SLC8A1: variants seen among roughly 807,000 people sequenced by gnomAD.
SLC8A1 encodes the protein solute carrier family 8 member A1.
SLC8A1 carries 18 observed loss-of-function variants against 68.3 expected under a neutral mutation model. That is an observed-to-expected ratio of 0.26 (90% CI 0.18 to 0.39). The LOEUF (loss-of-function observed/expected upper bound fraction) is 0.39, where lower values mean the gene tolerates loss of function less well. Ranked by LOEUF, SLC8A1 falls within the 10% of genes least tolerant of loss-of-function variation. The pLI is 1.00. For missense variants in SLC8A1, 985 were observed against 1,156.7 expected (o/e 0.85, Z 2.15); for synonymous variants, 475 against 415.5 (o/e 1.14, Z -1.74).
intron 6 of SLC8A1, among the ~76,000 whole-genome samples, chr2:40,150,950 G>A (rs1454542867): frequency 6.6e-6 from 1 of 152,052 alleles, no homozygotes; most frequent in Non-Finnish European, 1.5e-5. Context: ...TCACCTACTA[G>A]TATGTCCCTA....
chr2:40,480,812 G>A (rs1027269796), intron 1 of SLC8A1, among the ~76,000 whole-genome samples: 11 of 152,252 alleles, frequency 7.2e-5, no homozygotes, highest in African/African-American at 2.6e-4. Flanking sequence ...TGAAGACCAC[G>A]ACGTTATACA....
At chr2:40,442,979 T>C (rs1353627027) in intron 1 of SLC8A1, among the ~76,000 whole-genome samples, 1 of 151,982 alleles carries the variant, frequency 6.6e-6, no homozygotes, top group Non-Finnish European at 1.5e-5. Flanking sequence ...CTGGAAGCCA[T>C]CATCCTCAGC....
At chr2:40,190,234 C>T (rs13384452) in intron 2 of SLC8A1, among the ~76,000 whole-genome samples, 18,001 of 152,192 alleles carry the variant, frequency 0.12, 1,163 homozygotes, top group African/African-American at 0.13. Flanking sequence ...CAACTTCAGC[C>T]CTCATCTTCC....
upstream of SLC8A1, among the ~76,000 whole-genome samples, chr2:40,452,645 G>T (rs1702699393): frequency 6.6e-6 from 1 of 151,788 alleles, no homozygotes; most frequent in South Asian, 2.1e-4. Flanking sequence ...TTTAGCAAAA[G>T]GATCTGGGCA....
exon 8 of SLC8A1, chr2:40,104,424 G>C (rs2034075089): frequency 6.6e-6 from 1 of 152,172 alleles, no homozygotes; most frequent in Non-Finnish European, 1.5e-5. Flanking sequence ...GTAATCTCTG[G>C]ATGTGTGTGT....
At chr2:40,287,257 TA>T (rs1252810061) in intron 2 of SLC8A1, among the ~76,000 whole-genome samples, 4 of 152,276 alleles carry the variant, frequency 2.6e-5, no homozygotes, top group African/African-American at 9.6e-5. Context: ...ATATAATAAT[TA>T]GAGAACAATA....
intron 2 of SLC8A1, among the ~76,000 whole-genome samples, chr2:40,215,119 T>C (rs2057248384): frequency 6.6e-6 from 1 of 152,184 alleles, no homozygotes; most frequent in South Asian, 2.1e-4. Context: ...CTAAAGTATT[T>C]ATGAGTTGTA....
chr2:40,329,994 AG>A (rs2076250150), intron 2 of SLC8A1, among the ~76,000 whole-genome samples: 1 of 152,260 alleles, frequency 6.6e-6, no homozygotes, highest in South Asian at 2.1e-4. Context: ...TTTAAAGAGC[AG>A]GAGCTGAAAC....
chr2:40,402,466 T>G (rs1250580698), intron 2 of SLC8A1, among the ~76,000 whole-genome samples: 1 of 152,220 alleles, frequency 6.6e-6, no homozygotes, highest in Non-Finnish European at 1.5e-5. Flanking sequence ...TCCTTTACTT[T>G]CTTAATAAAC....
intron 2 of SLC8A1, among the ~76,000 whole-genome samples, chr2:40,252,979 G>A (rs1489638648): frequency 7.2e-6 from 1 of 138,154 alleles, no homozygotes; most frequent in East Asian, 2.1e-4. Flanking sequence ...GTACATATAT[G>A]TATCTGTATA....
At chr2:40,163,137 G>C (rs892298036) in intron 5 of SLC8A1, among the ~76,000 whole-genome samples, 1 of 152,120 alleles carries the variant, frequency 6.6e-6, no homozygotes, top group East Asian at 1.9e-4. Flanking sequence ...CCAAACAACT[G>C]GTTTCATGTA....
chr2:40,348,535 A>G (rs1670049549), intron 2 of SLC8A1, among the ~76,000 whole-genome samples: 1 of 152,220 alleles, frequency 6.6e-6, no homozygotes, highest in Non-Finnish European at 1.5e-5. Flanking sequence ...CAAGAAACAT[A>G]TGACACAAAT....
Position 40,304,516 on chromosome 2 carries a change from G to C in SLC8A1, c.1808+123957C>G, listed in dbSNP as rs752028841. ...AATGAACAGCCTGTAGCCAGTCTGGGCTGCTGCCTCTCACCCCCGCAGTCT... is the reference window on the plus strand; with the variant it reads ...AATGAACAGCCTGTAGCCAGTCTGGCCTGCTGCCTCTCACCCCCGCAGTCT... On this transcript the variant is annotated intron_variant, in intron 2 of 7. Transcript: ENST00000406785. Among the ~76,000 whole-genome samples, 21 of 152,214 alleles carry C rather than the reference G, an allele frequency of 1.4e-4. No homozygotes were observed. The Middle Eastern group carries it at 0.01, about 74-fold the overall frequency.
intron 1 of SLC8A1, among the ~76,000 whole-genome samples, chr2:40,478,668 G>T (rs1704441870): frequency 6.6e-6 from 1 of 151,718 alleles, no homozygotes; most frequent in Admixed American, 6.6e-5. Flanking sequence ...ATCTCTCATA[G>T]ACCTAAGTTT....
chr2:40,232,503 G>C (rs554737921), intron 2 of SLC8A1, among the ~76,000 whole-genome samples: 1 of 151,728 alleles, frequency 6.6e-6, no homozygotes, highest in South Asian at 2.1e-4. Flanking sequence ...ATTAGGGGAG[G>C]ATAGGGAAGG....
intron 2 of SLC8A1, among the ~76,000 whole-genome samples, chr2:40,348,546 A>G (rs1461323917): frequency 6.6e-6 from 1 of 152,218 alleles, no homozygotes; most frequent in Non-Finnish European, 1.5e-5. Flanking sequence ...TGACACAAAT[A>G]TAATGCATTT....
At chr2:40,242,573 G>T (rs1424458817) in intron 2 of SLC8A1, among the ~76,000 whole-genome samples, 1 of 152,178 alleles carries the variant, frequency 6.6e-6, no homozygotes, top group African/African-American at 2.4e-5. Context: ...CAGGGATACC[G>T]TCTTGAATGT....
chr2:40,302,620 ATTTC>A (rs946978868), intron 2 of SLC8A1, among the ~76,000 whole-genome samples: 9 of 150,566 alleles, frequency 6.0e-5, no homozygotes, highest in African/African-American at 1.7e-4. Context: ...ATATAAAACA[ATTTC>A]TTTATGCACT....
chr2:40,298,764 T>A (rs968440073), intron 2 of SLC8A1, among the ~76,000 whole-genome samples: 1 of 152,186 alleles, frequency 6.6e-6, no homozygotes, highest in African/African-American at 2.4e-5. Context: ...TAAAAGCTTA[T>A]AGGATTTTAA....
Sources: gnomAD v4.1 joint callset for allele counts (sites outside exome capture counted in the v4.1 genomes callset) on GRCh38, gnomAD v4.1.1 for gene constraint, MANE v1.5 for transcripts, NCBI Gene and HGNC (gene_info 2026-07-23, HGNC 2026-07-21) for gene names.